Variants in TMEM117 observed in about 807,000 individuals in gnomAD.
TMEM117 encodes transmembrane protein 117.
TMEM117 carries 27 observed loss-of-function variants against 52.4 expected under a neutral mutation model. The ratio of observed to expected loss-of-function variants is 0.51; its 90% CI spans 0.38 to 0.71. The LOEUF (loss-of-function observed/expected upper bound fraction) is 0.71, where lower values mean the gene tolerates loss of function less well. Among genes scored for constraint, TMEM117 ranks in the 30% least tolerant of loss-of-function variants. TMEM117 has a pLI of 0.00. For missense variants in TMEM117, 556 were observed against 630.5 expected, an observed-to-expected ratio of 0.88 and a Z score of 1.26; for synonymous variants, 215 against 206.3, an observed-to-expected ratio of 1.04 and a Z score of -0.36.
At chr12:44,246,577 A>G (rs1425175202) in intron 5 of TMEM117, among the ~76,000 whole-genome samples, 1 of 152,216 alleles carries the variant, frequency 6.6e-6, no homozygotes, top group Admixed American at 6.5e-5. Flanking sequence ...AATTTAAGTG[A>G]CAGCAATATA....
intron 5 of TMEM117, among the ~76,000 whole-genome samples, chr12:44,217,709 C>G (rs1479516376): frequency 1.3e-5 from 2 of 152,110 alleles, no homozygotes. Context: ...AATGGCTGGG[C>G]ATATGAGTGA....
chr12:44,122,761 G>A (rs1459376452), intron 3 of TMEM117, among the ~76,000 whole-genome samples: 1 of 152,104 alleles, frequency 6.6e-6, no homozygotes, highest in Non-Finnish European at 1.5e-5. Context: ...TTTTTATGGT[G>A]GCATAGTATT....
At chr12:43,813,231 GTTTTTTTTTTTTTTTT>G in the TMEM117 span, among the ~76,000 whole-genome samples, 13 of 62,666 alleles carry the variant, frequency 2.1e-4, 1 homozygote, top group South Asian at 6.7e-4. Context: ...GTTTTCTCTT[GTTTTTTTTTTTTTTTT>G]TTTTTTTTTT....
At chr12:44,035,774 TG>T (rs1946700976) in intron 3 of TMEM117, among the ~76,000 whole-genome samples, 1 of 152,324 alleles carries the variant, frequency 6.6e-6, no homozygotes, top group East Asian at 1.9e-4. Flanking sequence ...AGGTTATGCT[TG>T]ATAACAAATT....
intron 2 of TMEM117, among the ~76,000 whole-genome samples, chr12:43,892,027 T>C (rs1944115114): frequency 6.6e-6 from 1 of 152,196 alleles, no homozygotes; most frequent in African/African-American, 2.4e-5. Context: ...TCATCAAATC[T>C]ACCTTATAAG....
chr12:44,392,687 C>T (rs1177840060), downstream of TMEM117, among the ~76,000 whole-genome samples: 1 of 141,610 alleles, frequency 7.1e-6, no homozygotes, highest in Non-Finnish European at 1.5e-5. Context: ...CCCCACCCCA[C>T]GACAGGCCCC....
At chr12:43,924,079 A>T (rs1357790136) in intron 2 of TMEM117, among the ~76,000 whole-genome samples, 7 of 152,188 alleles carry the variant, frequency 4.6e-5, no homozygotes, top group Non-Finnish European at 7.4e-5. Flanking sequence ...ATTCTGTAGG[A>T]GTGGGATTTC....
chr12:43,841,327 A>G (rs1943112496), intron 1 of TMEM117, among the ~76,000 whole-genome samples: 2 of 152,340 alleles, frequency 1.3e-5, no homozygotes, highest in East Asian at 1.9e-4. Flanking sequence ...TCTGGATTCA[A>G]ATCCTGATGT....
At chr12:43,849,556 A>G (rs926253101) in intron 2 of TMEM117, among the ~76,000 whole-genome samples, 1 of 152,184 alleles carries the variant, frequency 6.6e-6, no homozygotes, top group East Asian at 1.9e-4. Context: ...ATCAGCCCTG[A>G]AAAAGCACTT....
At chr12:43,978,091 T>C (rs1024079456) in intron 3 of TMEM117, among the ~76,000 whole-genome samples, 44 of 152,160 alleles carry the variant, frequency 2.9e-4, no homozygotes, top group African/African-American at 1.0e-3. Flanking sequence ...AGCTAGTCTT[T>C]GGGTAAGTTG....
intron 3 of TMEM117, among the ~76,000 whole-genome samples, chr12:44,079,357 C>T (rs558135837): frequency 1.3e-5 from 2 of 152,310 alleles, no homozygotes; most frequent in South Asian, 2.1e-4. Context: ...TATTTCTCCA[C>T]ATCCTCTCCA....
intron 2 of TMEM117, among the ~76,000 whole-genome samples, chr12:43,907,921 C>T (rs1479995716): frequency 2.1e-4 from 22 of 106,484 alleles, no homozygotes; most frequent in African/African-American, 6.0e-4. Flanking sequence ...GAAAACACTC[C>T]TCAGGATATT....
At chr12:44,310,028 G>A (rs965914909) in intron 6 of TMEM117, among the ~76,000 whole-genome samples, 2 of 152,058 alleles carry the variant, frequency 1.3e-5, no homozygotes, top group Admixed American at 1.3e-4. Context: ...CACTTTTCTC[G>A]TTGATAGCAT....
chr12:44,035,505 T>C (rs962757223), intron 3 of TMEM117, among the ~76,000 whole-genome samples: 7 of 152,354 alleles, frequency 4.6e-5, no homozygotes, highest in Middle Eastern at 3.4e-3. Flanking sequence ...GTTATTTAAC[T>C]GGATGTATAT....
intron 5 of TMEM117, among the ~76,000 whole-genome samples, chr12:44,250,115 G>C (rs1950178794): frequency 6.6e-6 from 1 of 152,016 alleles, no homozygotes; most frequent in South Asian, 2.1e-4. Context: ...TCAATATTCA[G>C]AAACTACAAG....
intron 6 of TMEM117, among the ~76,000 whole-genome samples, chr12:44,308,141 A>G (rs928358934): frequency 6.6e-6 from 1 of 152,212 alleles, no homozygotes; most frequent in African/African-American, 2.4e-5. Context: ...ATCCCAATTT[A>G]AAGTAAAATG....
the TMEM117 span, among the ~76,000 whole-genome samples, chr12:44,395,065 C>A: frequency 6.6e-6 from 1 of 152,192 alleles, no homozygotes. Flanking sequence ...AAAACAGTTA[C>A]TCTTGACTGA....
intron 6 of TMEM117, among the ~76,000 whole-genome samples, chr12:44,348,652 G>A (rs1164933961): frequency 1.3e-5 from 2 of 151,880 alleles, no homozygotes; most frequent in Non-Finnish European, 2.9e-5. Context: ...GCTAGACCTA[G>A]TTATATTAAA....
At chr12:44,205,390 G>C (rs1949551571) in intron 4 of TMEM117, among the ~76,000 whole-genome samples, 1 of 152,154 alleles carries the variant, frequency 6.6e-6, no homozygotes, top group Non-Finnish European at 1.5e-5. Flanking sequence ...ATGTGGAACT[G>C]TGAGTCCATT....
Sources: allele counts gnomAD v4.1 joint callset (sites outside exome capture counted in the v4.1 genomes callset), GRCh38; gene constraint gnomAD v4.1.1; transcripts MANE v1.5; gene names NCBI Gene and HGNC (gene_info 2026-07-23, HGNC 2026-07-21).